The following NKAIN2 variants were observed in gnomAD, a reference collection of about 807,000 sequenced individuals.
NKAIN2 encodes sodium/potassium-transporting ATPase subunit beta-1-interacting protein 2.
A neutral mutation model predicts 32.6 loss-of-function variants in NKAIN2; 14 were observed. The observed-to-expected ratio is 0.43, with a 90% CI of 0.28 to 0.67. The LOEUF is 0.67. Among genes scored for constraint, NKAIN2 ranks in the 30% least tolerant of loss-of-function variants. The probability of loss-of-function intolerance (pLI) is 0.17; values close to 1 mark genes in which losing one functional copy is unlikely to be tolerated. For missense variants in NKAIN2, 198 were observed against 258.3 expected, an observed-to-expected ratio of 0.77 and a Z score of 1.60; for synonymous variants, 80 against 87.2, an observed-to-expected ratio of 0.92 and a Z score of 0.46.
At chr6:124,305,319 G>A (rs575122874) in intron 2 of NKAIN2, among the ~76,000 whole-genome samples, 44 of 152,144 alleles carry the variant, frequency 2.9e-4, no homozygotes, top group African/African-American at 1.1e-3. Context: ...ATCAAACAAG[G>A]GACAATGAGG....
At chr6:124,009,400 G>T (rs1780220374) in intron 1 of NKAIN2, among the ~76,000 whole-genome samples, 1 of 152,182 alleles carries the variant, frequency 6.6e-6, no homozygotes, top group Non-Finnish European at 1.5e-5. Flanking sequence ...TAAAGAAGAT[G>T]CTAAGTCTTA....
At chr6:124,463,327 A>G (rs959819611) in intron 3 of NKAIN2, among the ~76,000 whole-genome samples, 1 of 152,094 alleles carries the variant, frequency 6.6e-6, no homozygotes, top group African/African-American at 2.4e-5. Context: ...AATTATGTGC[A>G]TATACATATG....
intron 3 of NKAIN2, among the ~76,000 whole-genome samples, chr6:124,555,093 A>G (rs948506646): frequency 1.3e-5 from 2 of 152,022 alleles, no homozygotes; most frequent in Admixed American, 1.3e-4. Flanking sequence ...TTCTGGCAGG[A>G]CCTCTAGCAT....
intron 4 of NKAIN2, among the ~76,000 whole-genome samples, chr6:124,784,836 T>C (rs1313012830): frequency 6.6e-6 from 1 of 152,136 alleles, no homozygotes; most frequent in Non-Finnish European, 1.5e-5. Flanking sequence ...TGGCTGTCCA[T>C]AAATGTTTCC....
At chr6:124,220,741 T>C (rs2254875) in intron 1 of NKAIN2, among the ~76,000 whole-genome samples, 106,556 of 151,624 alleles carry the variant, frequency 0.7, 37,620 homozygotes, top group South Asian at 0.76. Flanking sequence ...TTGTCTATCT[T>C]TCCCAGCTGA....
intron 3 of NKAIN2, among the ~76,000 whole-genome samples, chr6:124,602,124 A>G (rs1782330227): frequency 6.6e-6 from 1 of 151,986 alleles, no homozygotes; most frequent in Non-Finnish European, 1.5e-5. Context: ...ATAAATCTAA[A>G]TGTATGTTGG....
chr6:124,323,526 C>T (rs926649012), intron 2 of NKAIN2, among the ~76,000 whole-genome samples: 1 of 151,938 alleles, frequency 6.6e-6, no homozygotes, highest in African/African-American at 2.4e-5. Flanking sequence ...TTAATTGTTC[C>T]CATAGTATTT....
chr6:124,045,141 C>T (rs760673984), intron 1 of NKAIN2, among the ~76,000 whole-genome samples: 6 of 151,642 alleles, frequency 4.0e-5, no homozygotes, highest in South Asian at 2.1e-4. Flanking sequence ...TTTCTTTATA[C>T]GTCAAAACTA....
intron 1 of NKAIN2, among the ~76,000 whole-genome samples, chr6:124,271,502 C>T (rs543114291): frequency 6.6e-6 from 1 of 152,322 alleles, no homozygotes; most frequent in Non-Finnish European, 1.5e-5. Flanking sequence ...AGGCGTGAGC[C>T]ACCATACCCG....
At chr6:124,729,770 T>A (rs1338243834) in intron 4 of NKAIN2, among the ~76,000 whole-genome samples, 1 of 151,580 alleles carries the variant, frequency 6.6e-6, no homozygotes, top group African/African-American at 2.4e-5. Flanking sequence ...AGTCAAATTG[T>A]CCCTCTTTGC....
At chr6:124,282,854 T>C (rs751814246) in intron 1 of NKAIN2, 151 bp from the exon 2 acceptor site, 4 of 673,318 alleles carry the variant, frequency 5.9e-6, no homozygotes, top group Non-Finnish European at 7.7e-6. Flanking sequence ...TAACTGAAAA[T>C]GTCATTCTCG....
intron 4 of NKAIN2, among the ~76,000 whole-genome samples, chr6:124,772,659 T>A (rs569944553): frequency 5.3e-5 from 8 of 152,306 alleles, no homozygotes. Context: ...TGATCTCCAA[T>A]GACTTGCAGG....
At chr6:124,661,167 C>T (rs1784732418) in intron 4 of NKAIN2, among the ~76,000 whole-genome samples, 1 of 152,306 alleles carries the variant, frequency 6.6e-6, no homozygotes. Context: ...CAAACAGGCA[C>T]ATTTGGGGGA....
intron 3 of NKAIN2, among the ~76,000 whole-genome samples, chr6:124,474,759 T>C (rs1201175288): frequency 1.3e-5 from 2 of 150,112 alleles, no homozygotes; most frequent in Non-Finnish European, 3.0e-5. Context: ...TATACTTCTG[T>C]ACCCTGTCTA....
chr6:124,128,584 G>A (rs551728986), intron 1 of NKAIN2, among the ~76,000 whole-genome samples: 3 of 152,264 alleles, frequency 2.0e-5, no homozygotes, highest in South Asian at 4.1e-4. Context: ...ATAGTAATGA[G>A]TGAACTGGAG....
At chr6:124,536,080 C>T (rs1423619877) in intron 3 of NKAIN2, among the ~76,000 whole-genome samples, 1 of 152,176 alleles carries the variant, frequency 6.6e-6, no homozygotes. Flanking sequence ...CTGGACTTTA[C>T]AAGCAGAAAA....
chr6:123,955,196 C>CAAAAAAAAAAAAAAAAAAAA (rs5879708), intron 1 of NKAIN2, among the ~76,000 whole-genome samples: 6 of 105,018 alleles, frequency 5.7e-5, no homozygotes, highest in East Asian at 5.7e-4. Context: ...ACAGAAAAAC[C>CAAAAAAAAAAAAAAAAAAAA]AAAAAAAAAA....
At chr6:124,381,047 T>C (rs1005574896) in intron 3 of NKAIN2, among the ~76,000 whole-genome samples, 6 of 152,136 alleles carry the variant, frequency 3.9e-5, no homozygotes, top group African/African-American at 1.4e-4. Flanking sequence ...TTAGTATATT[T>C]CCCTATAAGA....
At chr6:123,956,153 A>G (rs1001136045) in intron 1 of NKAIN2, among the ~76,000 whole-genome samples, 2 of 152,210 alleles carry the variant, frequency 1.3e-5, no homozygotes, top group African/African-American at 4.8e-5. Context: ...TTAAAAATAC[A>G]TGGATGCTTG....
Sources: gnomAD v4.1 joint callset for allele counts (sites outside exome capture counted in the v4.1 genomes callset) on GRCh38, gnomAD v4.1.1 for gene constraint, MANE v1.5 for transcripts, NCBI Gene and HGNC (gene_info 2026-07-23, HGNC 2026-07-21) for gene names.